The following NCOA2 variants were observed in gnomAD, a reference collection of about 807,000 sequenced individuals.
The protein encoded by NCOA2 is nuclear receptor coactivator 2.
NCOA2 carries 21 observed loss-of-function variants against 145.1 expected under a neutral mutation model. The ratio of observed to expected loss-of-function variants is 0.14; its 90% confidence interval spans 0.10 to 0.21. The LOEUF is 0.21. Ranked by LOEUF, NCOA2 falls within the 10% of genes least tolerant of loss-of-function variation. The pLI, the probability that NCOA2 is intolerant of heterozygous loss-of-function variation, is 1.00. For synonymous variants in NCOA2, 619 were observed against 637.5 expected (o/e 0.97, Z 0.44); for missense variants, 1,472 against 1,837.6 (o/e 0.80, Z 3.64).
intron 1 of NCOA2, among the ~76,000 whole-genome samples, chr8:70,357,722 G>A (rs547559573): frequency 7.9e-5 from 12 of 150,968 alleles, no homozygotes; most frequent in East Asian, 3.9e-4. Flanking sequence ...TAGCCTGGGC[G>A]ACAGAGCAAG....
chr8:70,285,893 G>T (rs560603812), intron 2 of NCOA2, among the ~76,000 whole-genome samples: 246 of 152,180 alleles, frequency 1.6e-3, no homozygotes, highest in Non-Finnish European at 3.1e-3. Context: ...GAGATTTTTG[G>T]AAATATATAG....
At chr8:70,172,416 C>T (rs1489537316) in intron 5 of NCOA2, among the ~76,000 whole-genome samples, 1 of 152,100 alleles carries the variant, frequency 6.6e-6, no homozygotes, top group Non-Finnish European at 1.5e-5. Flanking sequence ...GAATATATTT[C>T]ATCTTTAATT....
At chr8:70,323,600 T>C (rs980937954) in intron 1 of NCOA2, among the ~76,000 whole-genome samples, 5 of 152,130 alleles carry the variant, frequency 3.3e-5, no homozygotes, top group African/African-American at 1.2e-4. Flanking sequence ...ATTAAGTCCT[T>C]TGCTAATTAT....
At chr8:70,234,888 C>T (rs1198015067) in intron 2 of NCOA2, among the ~76,000 whole-genome samples, 1 of 152,184 alleles carries the variant, frequency 6.6e-6, no homozygotes, top group Non-Finnish European at 1.5e-5. Context: ...CTGTTCTATA[C>T]CATAGGTTCC....
At chr8:70,135,619 G>T (rs1418213741) in intron 15 of NCOA2, among the ~76,000 whole-genome samples, 1 of 152,108 alleles carries the variant, frequency 6.6e-6, no homozygotes, top group Admixed American at 6.6e-5. Flanking sequence ...CTCCCAATCT[G>T]AACTTTATAA....
intron 4 of NCOA2, among the ~76,000 whole-genome samples, chr8:70,213,111 A>C (rs1819221678): frequency 6.6e-6 from 1 of 151,000 alleles, no homozygotes; most frequent in African/African-American, 2.4e-5. Context: ...AAAAAAAAAA[A>C]ACCACACCAG....
chr8:70,294,518 C>T (rs1826936400), intron 2 of NCOA2, among the ~76,000 whole-genome samples: 1 of 152,156 alleles, frequency 6.6e-6, no homozygotes, highest in African/African-American at 2.4e-5. Context: ...GTAATCATTA[C>T]ATTTCAAATG....
chr8:70,414,380 A>G, the NCOA2 span, among the ~76,000 whole-genome samples: 17,817 of 152,056 alleles, frequency 0.12, 1,426 homozygotes, highest in East Asian at 0.41. Flanking sequence ...CATTGACAAT[A>G]TCACCATTGC....
chr8:70,172,210 T>C (rs964956697), intron 5 of NCOA2, among the ~76,000 whole-genome samples: 1 of 152,132 alleles, frequency 6.6e-6, no homozygotes, highest in African/African-American at 2.4e-5. Context: ...CTCCCACCAC[T>C]CTGTAATCCC....
chr8:70,219,905 T>C (rs1040585491), intron 2 of NCOA2, among the ~76,000 whole-genome samples: 11 of 151,936 alleles, frequency 7.2e-5, no homozygotes, highest in Admixed American at 5.2e-4. Flanking sequence ...AGTTCATTTT[T>C]CCCCCAACTC....
chr8:70,202,595 A>C (rs1818007933), intron 4 of NCOA2, among the ~76,000 whole-genome samples: 1 of 152,210 alleles, frequency 6.6e-6, no homozygotes. Context: ...CCAATCACAA[A>C]AAGACAAATA....
intron 2 of NCOA2, among the ~76,000 whole-genome samples, chr8:70,289,540 T>G (rs554523756): frequency 3.2e-4 from 49 of 152,284 alleles, no homozygotes; most frequent in Non-Finnish European, 5.9e-4. Context: ...TCTGTCATAC[T>G]GATAGTTAAC....
intron 12 of NCOA2, among the ~76,000 whole-genome samples, chr8:70,145,398 C>T (rs1381486542): frequency 6.6e-6 from 1 of 151,956 alleles, no homozygotes; most frequent in Non-Finnish European, 1.5e-5. Flanking sequence ...GATCTCGGCT[C>T]ACTGCAACCT....
At chr8:70,336,807 A>T (rs1317267665) in intron 1 of NCOA2, among the ~76,000 whole-genome samples, 2 of 152,190 alleles carry the variant, frequency 1.3e-5, no homozygotes. Flanking sequence ...GTGCAAAACC[A>T]AATCAATGTA....
chr8:70,307,481 T>TA, intron 1 of NCOA2, among the ~76,000 whole-genome samples: 1 of 152,368 alleles, frequency 6.6e-6, no homozygotes, highest in Admixed American at 6.5e-5. Context: ...TGAAATTTTC[T>TA]AATTTCATGC....
chr8:70,276,326 G>A (rs985611763), intron 2 of NCOA2, among the ~76,000 whole-genome samples: 5 of 151,894 alleles, frequency 3.3e-5, no homozygotes, highest in East Asian at 1.9e-4. Flanking sequence ...GCTCTTAGGG[G>A]GAAAAAAAGA....
intron 2 of NCOA2, among the ~76,000 whole-genome samples, chr8:70,218,356 A>G (rs1481695868): frequency 6.6e-6 from 1 of 152,164 alleles, no homozygotes; most frequent in Non-Finnish European, 1.5e-5. Flanking sequence ...TGCTGGTTAG[A>G]GCAATGCAAC....
intron 11 of NCOA2, among the ~76,000 whole-genome samples, chr8:70,150,636 C>T (rs1811633963): frequency 6.6e-6 from 1 of 152,192 alleles, no homozygotes; most frequent in African/African-American, 2.4e-5. Flanking sequence ...GAACATAAAA[C>T]TGACTTTATG....
intron 1 of NCOA2, among the ~76,000 whole-genome samples, chr8:70,298,257 T>C (rs902702128): frequency 2.0e-5 from 3 of 152,208 alleles, no homozygotes; most frequent in Non-Finnish European, 2.9e-5. Flanking sequence ...TCTTGGACAC[T>C]AGAAACATCT....
Sources: allele counts gnomAD v4.1 joint callset (sites outside exome capture counted in the v4.1 genomes callset), GRCh38; gene constraint gnomAD v4.1.1; transcripts MANE v1.5; gene names NCBI Gene and HGNC (gene_info 2026-07-23, HGNC 2026-07-21).